Variants in SMCO4 observed in about 807,000 individuals in gnomAD.
The protein encoded by SMCO4 is single-pass membrane and coiled-coil domain-containing protein 4.
SMCO4 carries 4 observed loss-of-function variants against 3.6 expected under a neutral mutation model. The ratio of observed to expected loss-of-function variants is 1.11; its 90% confidence interval spans 0.54 to 2.53. The LOEUF is 2.53. SMCO4 is among the 30% of genes most tolerant of loss of function. The probability of loss-of-function intolerance (pLI) is 0.02; values close to 1 mark genes in which losing one functional copy is unlikely to be tolerated. For missense variants in SMCO4, 70 were observed against 80.8 expected (o/e 0.87, Z 0.51); for synonymous variants, 36 against 35.3 (o/e 1.02, Z -0.07).
intron 2 of SMCO4, chr11:93,481,442 C>T (rs1376440801): frequency 7.1e-6 from 7 of 985,398 alleles, no homozygotes; most frequent in Middle Eastern, 5.2e-4. Context: ...TTCGCGGGAC[C>T]GTGGTGAGGA....
At chr11:93,493,745 A>G (rs1948745203) in intron 2 of SMCO4, among the ~76,000 whole-genome samples, 3 of 152,184 alleles carry the variant, frequency 2.0e-5, no homozygotes. Flanking sequence ...CGCATCATGC[A>G]CGGCTGTTCT....
chr11:93,525,562 C>T (rs2134625595), intron 1 of SMCO4, among the ~76,000 whole-genome samples: 1 of 152,242 alleles, frequency 6.6e-6, no homozygotes, highest in Non-Finnish European at 1.5e-5. Flanking sequence ...GAAGCCCACC[C>T]ACTCCTGGCT....
At chr11:93,541,065 A>G (rs1949267110) in intron 1 of SMCO4, among the ~76,000 whole-genome samples, 1 of 152,246 alleles carries the variant, frequency 6.6e-6, no homozygotes, top group African/African-American at 2.4e-5. Flanking sequence ...GGACAAGAAC[A>G]GGAACATTCA....
At chr11:93,484,936 G>A (rs2134572062) in intron 2 of SMCO4, among the ~76,000 whole-genome samples, 1 of 152,236 alleles carries the variant, frequency 6.6e-6, no homozygotes. Flanking sequence ...CTGCAATATG[G>A]CTGTGGTCCA....
intron 1 of SMCO4, among the ~76,000 whole-genome samples, chr11:93,499,580 T>C (rs1250832462): frequency 1.4e-4 from 22 of 152,142 alleles, no homozygotes; most frequent in Admixed American, 1.4e-3. Flanking sequence ...AGCCCCTGCA[T>C]GGAGTTAGAG....
In SMCO4 at chr11:93,478,956, CCCCCTCCCGCGCCT is replaced by C; in HGVS notation, c.*40_*53del. On this transcript the variant is annotated 3_prime_UTR_variant, in exon 3 of 3. Coordinates refer to ENST00000298966, the MANE Select transcript of SMCO4 (RefSeq NM_020179.3). ...TATGAAAGCCATTTTTTGTTTGCGT[CCCCCTCCCGCGCCT>C]CCTCTCCCTGCCGATGGGGTCCGCA... is the stretch of plus-strand genomic sequence containing the variant. 5.2e-6 allele frequency: 8 copies of C among 1,547,016 alleles called. No homozygotes were observed. The South Asian group carries it at 8.3e-5, about 16-fold the overall frequency.
chr11:93,510,232 A>G (rs141408322), intron 1 of SMCO4, among the ~76,000 whole-genome samples: 178 of 152,356 alleles, frequency 1.2e-3, no homozygotes, highest in African/African-American at 4.0e-3. Flanking sequence ...CCGCAGGGCC[A>G]AAGTGGGACC....
At chr11:93,511,496 T>C (rs943746371) in intron 1 of SMCO4, among the ~76,000 whole-genome samples, 6 of 152,194 alleles carry the variant, frequency 3.9e-5, no homozygotes, top group Non-Finnish European at 7.3e-5. Context: ...TCCATGTCTG[T>C]GTGGGTTTTC....
chr11:93,545,608 A>G (rs193069925), upstream of SMCO4, among the ~76,000 whole-genome samples: 9,776 of 143,218 alleles, frequency 0.068, 348 homozygotes, highest in Middle Eastern at 0.098. Flanking sequence ...AAAAAAAAAA[A>G]AGAGAGAGAG....
intron 1 of SMCO4, among the ~76,000 whole-genome samples, chr11:93,531,077 C>T (rs545605755): frequency 1.3e-5 from 2 of 152,282 alleles, no homozygotes; most frequent in South Asian, 2.1e-4. Flanking sequence ...AAGATTATTC[C>T]TTGTATGTCT....
chr11:93,508,223 G>A (rs1474442933), intron 1 of SMCO4, among the ~76,000 whole-genome samples: 2 of 152,160 alleles, frequency 1.3e-5, no homozygotes, highest in Admixed American at 6.5e-5. Context: ...GGCAGGTGAA[G>A]GGAGGGGGAC....
At chr11:93,527,427 G>A (rs530082538) in intron 1 of SMCO4, among the ~76,000 whole-genome samples, 1 of 152,046 alleles carries the variant, frequency 6.6e-6, no homozygotes, top group South Asian at 2.1e-4. Flanking sequence ...TGTGGTTAAG[G>A]CCACAAAACT....
the SMCO4 span, among the ~76,000 whole-genome samples, chr11:93,551,426 G>A: frequency 6.6e-6 from 1 of 152,136 alleles, no homozygotes; most frequent in East Asian, 1.9e-4. Flanking sequence ...ACTTCTCGGT[G>A]CATCATTGCT....
chr11:93,494,304 T>C (rs1948751255), intron 2 of SMCO4, among the ~76,000 whole-genome samples: 2 of 152,240 alleles, frequency 1.3e-5, no homozygotes, highest in Non-Finnish European at 2.9e-5. Context: ...TCATAAACTT[T>C]GAAGCCAAAA....
chr11:93,524,875 G>GA (rs769911108), intron 1 of SMCO4, among the ~76,000 whole-genome samples: 80 of 152,142 alleles, frequency 5.3e-4, no homozygotes, highest in South Asian at 1.5e-3. Context: ...AGTGAAACAG[G>GA]AAAAAAATCC....
Position 93,478,739 on chromosome 11 carries a change from AC to A in SMCO4, c.*270del. ...CACACACACACACACACACACACAC[AC>A]ACACACACACACATGCGCGCGCGCT... On this transcript the variant is annotated 3_prime_UTR_variant, in exon 3 of 3. Transcript: ENST00000298966. The A allele has an allele frequency of 1.4e-6, 1 of 700,272 alleles. No individual in the cohort carries two copies. The highest frequency in any genetic ancestry group is 2.0e-6 in the Non-Finnish European group (1 of 506,958). 43.4% of individuals were successfully genotyped at this position (700,272 alleles called of 1,614,324 possible).
rs570222178 is a variant in SMCO4, at chr11:93,503,148, G to A, written c.-153-3800C>T. ...TCCTGTATCAGTCCATTTTCACGCT[G>A]CTGATAAAGACATACCTGAGACTGG... On this transcript the variant is annotated intron_variant, in intron 1 of 2. Coordinates refer to ENST00000298966, the MANE Select transcript of SMCO4 (RefSeq NM_020179.3). Among the ~76,000 whole-genome samples, 9 of 152,230 alleles carry A rather than the reference G, an allele frequency of 5.9e-5. No homozygotes were observed. In the South Asian group the frequency reaches 1.9e-3, roughly 32 times the overall value.
chr11:93,537,824 A>G (rs1006780806), intron 1 of SMCO4: 1 of 151,550 alleles, frequency 6.6e-6, no homozygotes, highest in Non-Finnish European at 1.5e-5. Flanking sequence ...GGGTGAGCAG[A>G]CTCTTGCACG....
chr11:93,498,945 T>C (rs1269088456), intron 2 of SMCO4, among the ~76,000 whole-genome samples: 1 of 152,118 alleles, frequency 6.6e-6, no homozygotes, highest in Non-Finnish European at 1.5e-5. Context: ...AAGTAAGTAC[T>C]ATGATGGGGG....
Sources: gnomAD v4.1 joint callset for allele counts (sites outside exome capture counted in the v4.1 genomes callset) on GRCh38, gnomAD v4.1.1 for gene constraint, MANE v1.5 for transcripts, NCBI Gene and HGNC (gene_info 2026-07-23, HGNC 2026-07-21) for gene names.